TSPEAR: variants seen among roughly 807,000 people sequenced by gnomAD.
TSPEAR encodes the protein thrombospondin-type laminin G domain and EAR repeat-containing protein.
TSPEAR carries 69 observed loss-of-function variants against 71.6 expected under a neutral mutation model. That is an observed-to-expected ratio of 0.96 (90% confidence interval 0.79 to 1.18). The LOEUF is 1.18. Ranked by LOEUF, TSPEAR falls within the 50% of genes most tolerant of loss-of-function variation. The pLI is 0.00. For synonymous variants in TSPEAR, 402 were observed against 387.2 expected (o/e 1.04, Z -0.45); for missense variants, 971 against 894.9 (o/e 1.09, Z -1.09).
chr21:44,516,909 A>G (rs1375423201), intron 9 of TSPEAR, among the ~76,000 whole-genome samples: 1 of 152,140 alleles, frequency 6.6e-6, no homozygotes, highest in Middle Eastern at 3.2e-3. Flanking sequence ...CCAGCTCTGC[A>G]TGCGAGAACG....
intron 1 of TSPEAR, among the ~76,000 whole-genome samples, chr21:44,680,302 C>T (rs1986518031): frequency 6.6e-6 from 1 of 152,162 alleles, no homozygotes; most frequent in African/African-American, 2.4e-5. Flanking sequence ...CTCAACATCA[C>T]TAATCATCAG....
At chr21:44,705,474 A>C (rs1477099445) in intron 1 of TSPEAR, among the ~76,000 whole-genome samples, 1 of 152,270 alleles carries the variant, frequency 6.6e-6, no homozygotes, top group Non-Finnish European at 1.5e-5. Flanking sequence ...CTCTTCTTTC[A>C]AAAGCAAATG....
intron 2 of TSPEAR, among the ~76,000 whole-genome samples, chr21:44,537,909 G>A (rs233314): frequency 0.57 from 87,322 of 152,092 alleles, 26,129 homozygotes; most frequent in Non-Finnish European, 0.66. Flanking sequence ...CCCAGCAGCC[G>A]TCAGTGCGGA....
chr21:44,505,408 T>G (rs2052169695), intron 10 of TSPEAR, among the ~76,000 whole-genome samples: 1 of 151,842 alleles, frequency 6.6e-6, no homozygotes, highest in African/African-American at 2.4e-5. Context: ...AAAATACATA[T>G]AACATAACAT....
At position 44,669,284 on chromosome 21, in the gene TSPEAR, G is replaced by T. The variant is rs587663114; in HGVS notation, c.82+42149C>A. Reference sequence around the variant, plus strand: ...CTAAAAATACAAAAATTAGCTGGGTGTGGTGGCACGTGCCTGTAGTCCCAG... The same window carrying T: ...CTAAAAATACAAAAATTAGCTGGGTTTGGTGGCACGTGCCTGTAGTCCCAG... On this transcript the variant is annotated intron_variant, in intron 1 of 11. Transcript: ENST00000323084. 3.9e-5 allele frequency among the ~76,000 whole-genome samples: 6 copies of T among 152,240 alleles called. No individual in the cohort carries two copies. In the East Asian group the frequency reaches 1.2e-3, roughly 29 times the overall value.
intron 1 of TSPEAR, chr21:44,658,382 C>T (rs1466072871): frequency 1.9e-6 from 2 of 1,041,258 alleles, no homozygotes; most frequent in African/African-American, 3.2e-5. Flanking sequence ...CCAAGGAAAC[C>T]TCTGAACTCT....
chr21:44,535,896 C>CAAAA (rs10712664), intron 2 of TSPEAR, among the ~76,000 whole-genome samples: 4 of 136,870 alleles, frequency 2.9e-5, no homozygotes, highest in African/African-American at 8.2e-5. Flanking sequence ...CTATGTTTAT[C>CAAAA]AAAAAAAAAA....
chr21:44,570,491 G>A lies in TSPEAR; in HGVS notation c.83-2486C>T, dbSNP rs587636025. On this transcript the variant is annotated intron_variant, in intron 1 of 11. Transcript: ENST00000323084. The stretch of plus-strand genomic sequence containing the variant: ...GGTGAGACATGGGTCCAGAAGCCAG[G>A]AATTATGGAATTACAGAAGGGGCTG... Among the ~76,000 whole-genome samples the A allele has an allele frequency of 3.7e-3, 564 of 152,278 alleles. 7 individuals carry two copies. The highest frequency in any genetic ancestry group is 2.4e-3 in the Non-Finnish European group (160 of 68,020).
chr21:44,527,297 T>C lies in TSPEAR; in HGVS notation c.1144A>G (p.Lys382Glu), dbSNP rs782103811. The C allele has an allele frequency of 6.2e-6, 10 of 1,614,034 alleles. No homozygotes were observed. In the East Asian group the frequency reaches 2.2e-4, roughly 36 times the overall value. The change falls in exon 7 of 12, where the codon AAA (lysine) becomes GAA (glutamate). Residue 382 changes from lysine to glutamate, a missense_variant. Coordinates refer to ENST00000323084, the MANE Select transcript of TSPEAR (RefSeq NM_144991.3). The part of the protein sequence containing the change: ...AQAWRHFTIG[K>E]KIFLAVANFE... ...GTCACCGAACACAGACTTGCCTTTT[T>C]CCCGATGGTGAAATGCCTCCAGGCC...
At chr21:44,552,319 G>T (rs2053455335) in intron 2 of TSPEAR, among the ~76,000 whole-genome samples, 1 of 152,174 alleles carries the variant, frequency 6.6e-6, no homozygotes, top group Non-Finnish European at 1.5e-5. Flanking sequence ...TGACCCCGGG[G>T]CAGGGACCGT....
intron 8 of TSPEAR, among the ~76,000 whole-genome samples, chr21:44,523,982 G>T (rs899313006): frequency 6.6e-6 from 1 of 151,420 alleles, no homozygotes; most frequent in Admixed American, 6.6e-5. Context: ...CAGGTAGCCA[G>T]TCATCAGTCA....
intron 1 of TSPEAR, among the ~76,000 whole-genome samples, chr21:44,688,449 G>A (rs1336925914): frequency 3.9e-5 from 6 of 152,180 alleles, no homozygotes; most frequent in African/African-American, 1.4e-4. Context: ...GGCCGGGCGC[G>A]GTGGCTCACG....
At chr21:44,703,195 G>C (rs531394090) in intron 1 of TSPEAR, among the ~76,000 whole-genome samples, 2 of 152,118 alleles carry the variant, frequency 1.3e-5, no homozygotes, top group Non-Finnish European at 1.5e-5. Flanking sequence ...ATTCTTTCTC[G>C]GGCCCTCTAT....
At chr21:44,598,127 C>T (rs1980491089) in intron 1 of TSPEAR, among the ~76,000 whole-genome samples, 1 of 152,088 alleles carries the variant, frequency 6.6e-6, no homozygotes. Context: ...CCAGGCATGC[C>T]GCAACATCAC....
chr21:44,572,817 T>A (rs920261897), intron 1 of TSPEAR, among the ~76,000 whole-genome samples: 10 of 148,414 alleles, frequency 6.7e-5, no homozygotes, highest in African/African-American at 2.5e-4. Context: ...TGTATCCTTA[T>A]AAAAAGGGGA....
At chr21:44,529,729 C>T (rs1555915467) in intron 5 of TSPEAR, 69 bp downstream of exon 5, 1 of 1,579,736 alleles carries the variant, frequency 6.3e-7, no homozygotes, top group African/African-American at 1.3e-5. Context: ...GCCCTGAGTT[C>T]CCGCCTGGTG....
chr21:44,527,652 C>T, intron 6 of TSPEAR, 134 bp from the exon 7 acceptor site: 2 of 802,186 alleles, frequency 2.5e-6, no homozygotes, highest in Non-Finnish European at 4.0e-6. Flanking sequence ...GCATCAGTTT[C>T]CACGTTTCGC....
chr21:44,518,861 C>T (rs936125306), intron 9 of TSPEAR: 20 of 362,784 alleles, frequency 5.5e-5, no homozygotes, highest in African/African-American at 1.7e-4. Context: ...GCCAGCAGGG[C>T]GCACGTTCAT....
At chr21:44,637,738 C>T (rs782570411) in intron 1 of TSPEAR, 172 of 1,323,272 alleles carry the variant, frequency 1.3e-4, no homozygotes, top group Non-Finnish European at 1.4e-4. Context: ...GCTGCGTGCC[C>T]GTCTGTAACA....
Sources: gnomAD v4.1 joint callset for allele counts (sites outside exome capture counted in the v4.1 genomes callset) on GRCh38, gnomAD v4.1.1 for gene constraint, MANE v1.5 for transcripts, NCBI Gene and HGNC (gene_info 2026-07-23, HGNC 2026-07-21) for gene names.